AGPAT3: variants seen among roughly 807,000 people sequenced by gnomAD.
The protein encoded by AGPAT3 is 1-acyl-sn-glycerol-3-phosphate acyltransferase gamma.
A neutral mutation model predicts 47.3 loss-of-function variants in AGPAT3; 5 were observed. That is an observed-to-expected ratio of 0.11 (90% CI 0.06 to 0.22). The LOEUF is 0.22. Ranked by LOEUF, AGPAT3 falls within the 10% of genes least tolerant of loss-of-function variation. AGPAT3 has a pLI of 1.00. For missense variants in AGPAT3, 315 were observed against 493.0 expected (o/e 0.64, Z 3.42); for synonymous variants, 212 against 208.3 (o/e 1.02, Z -0.15).
chr21:43,960,698 G>A lies in AGPAT3; in HGVS notation c.178+839G>A, dbSNP rs1381874048. 8.1e-6 allele frequency: 8 copies of A among 984,568 alleles called. No individual in the cohort carries two copies. In the African/African-American group the frequency reaches 1.2e-4, roughly 15 times the overall value. 61.0% of individuals were successfully genotyped at this position (984,568 alleles called of 1,614,324 possible). A position where few individuals can be genotyped will look rare whatever the true frequency, so the allele number is the denominator to read the frequency against. The stretch of plus-strand genomic sequence containing the variant: ...ACTAATTATGCGGCACCCATACAGG[G>A]ACCCTCTGCGGCCATCATGGAGAGC... On this transcript the variant is annotated intron_variant, in intron 3 of 9. Transcript: ENST00000291572.
intron 1 of AGPAT3, among the ~76,000 whole-genome samples, chr21:43,870,822 A>T (rs965238780): frequency 6.6e-6 from 1 of 152,218 alleles, no homozygotes; most frequent in Non-Finnish European, 1.5e-5. Context: ...ACAGATTCTG[A>T]CAGGGTCCAG....
intron 2 of AGPAT3, among the ~76,000 whole-genome samples, chr21:43,928,921 G>A (rs560809709): frequency 1.3e-5 from 2 of 152,310 alleles, no homozygotes; most frequent in African/African-American, 4.8e-5. Flanking sequence ...GGTGGCTCCG[G>A]CAGGTTCCTC....
At chr21:43,919,104 C>T (rs1440579526) in intron 2 of AGPAT3, among the ~76,000 whole-genome samples, 3 of 152,116 alleles carry the variant, frequency 2.0e-5, no homozygotes, top group Non-Finnish European at 2.9e-5. Context: ...CTTGGAGTGT[C>T]GTCCTTAAAT....
At position 43,981,201 on chromosome 21, in the gene AGPAT3, T is replaced by C. The variant is rs374270611; in HGVS notation, c.1042+14T>C. 6 of 1,613,476 alleles carry C rather than the reference T, an allele frequency of 3.7e-6. No homozygotes were observed. In the African/African-American group the frequency reaches 8.0e-5, roughly 22 times the overall value. On this transcript the variant is annotated intron_variant, in intron 9 of 9. Transcript: ENST00000291572. The surrounding 1 kb of genome is among the most constrained non-coding windows in gnomAD (Gnocchi z 5.3). ...TTGTGGGAGCAGGTAATGGACACTG[T>C]CGCTAACAGCTCACACTCTGACGGG... is the stretch of plus-strand genomic sequence containing the variant.
chr21:43,896,077 T>A (rs1019215999), intron 1 of AGPAT3, among the ~76,000 whole-genome samples: 1 of 152,078 alleles, frequency 6.6e-6, no homozygotes, highest in African/African-American at 2.4e-5. Context: ...CTAATTTTGG[T>A]ATTTTTAGTA....
chr21:43,874,101 C>T (rs921444375), intron 1 of AGPAT3, among the ~76,000 whole-genome samples: 1 of 152,228 alleles, frequency 6.6e-6, no homozygotes, highest in African/African-American at 2.4e-5. Context: ...TCTCGGCTCA[C>T]TGCAACCTCC....
chr21:43,982,480 A>G lies in AGPAT3; in HGVS notation c.*88A>G. On this transcript the variant is annotated 3_prime_UTR_variant, in exon 10 of 10. Transcript: ENST00000291572. This position sits in a 1 kb window ranked among gnomAD's most constrained non-coding sequence, Gnocchi z 6.2. ...ACACAGAGTGCAGGAAAAGACAATTAGAAACTATTTTTCTTATTAACTGGT... is the reference window on the plus strand; with the variant it reads ...ACACAGAGTGCAGGAAAAGACAATTGGAAACTATTTTTCTTATTAACTGGT... 1 of 990,416 alleles carries G rather than the reference A, an allele frequency of 1.0e-6. No individual in the cohort carries two copies. 61.4% of individuals were successfully genotyped at this position (990,416 alleles called of 1,614,324 possible). A position where few individuals can be genotyped will look rare whatever the true frequency, so the allele number is the denominator to read the frequency against.
At chr21:43,962,150 G>A (rs556032011) in intron 3 of AGPAT3, among the ~76,000 whole-genome samples, 10 of 151,972 alleles carry the variant, frequency 6.6e-5, no homozygotes, top group Admixed American at 2.6e-4. Context: ...ACAGGCACCC[G>A]CCACCACTCC....
At chr21:43,960,459 C>T (rs559056830) in intron 3 of AGPAT3, among the ~76,000 whole-genome samples, 3 of 152,154 alleles carry the variant, frequency 2.0e-5, no homozygotes, top group African/African-American at 7.2e-5. Context: ...CATGAACAGG[C>T]GCATCTCTGG....
chr21:43,983,627 C>G lies in AGPAT3; in HGVS notation c.*1235C>G, dbSNP rs1569114102. 6.6e-6 allele frequency: 1 copy of G among 152,270 alleles called. No individual in the cohort carries two copies. The highest frequency in any genetic ancestry group is 6.5e-5 in the Admixed American group (1 of 15,288). 9.4% of individuals were successfully genotyped at this position (152,270 alleles called of 1,614,324 possible). A position where few individuals can be genotyped will look rare whatever the true frequency, so the allele number is the denominator to read the frequency against. ...GCTCCCTTGGCCTTGCAGCGAGCCCCTGGCCCACGCCGAGCGAGGGATGCT... is the reference window on the plus strand; with the variant it reads ...GCTCCCTTGGCCTTGCAGCGAGCCCGTGGCCCACGCCGAGCGAGGGATGCT... On this transcript the variant is annotated 3_prime_UTR_variant, in exon 10 of 10. Transcript: ENST00000291572.
rs979604429 is a variant in AGPAT3, at chr21:43,987,315, C to T, written c.*4923C>T. On this transcript the variant is annotated 3_prime_UTR_variant, in exon 10 of 10. Transcript: ENST00000291572. ...TGGCACTTTTCAAGGCCCTCCCTTC[C>T]CTACGAGTTGCTTTCTGGGAGGGGA... is the stretch of plus-strand genomic sequence containing the variant. Among the ~76,000 whole-genome samples the T allele has an allele frequency of 6.6e-6, 1 of 152,170 alleles. No homozygotes were observed. Among genetic ancestry groups the T allele is most frequent in the African/African-American group, 2.4e-5 (1 of 41,444 alleles).
intron 1 of AGPAT3, among the ~76,000 whole-genome samples, chr21:43,888,083 T>C (rs62228696): frequency 0.12 from 17,778 of 152,244 alleles, 2,118 homozygotes; most frequent in African/African-American, 0.31. Context: ...CTCTTTCACC[T>C]GTATTGGAGT....
In AGPAT3 at chr21:43,939,963, C is replaced by T. The variant is rs2146357300; in HGVS notation, c.-48-19671C>T. 6.6e-6 allele frequency among the ~76,000 whole-genome samples: 1 copy of T among 152,346 alleles called. No individual in the cohort carries two copies. The highest frequency in any genetic ancestry group is 2.1e-4 in the South Asian group (1 of 4,828). On this transcript the variant is annotated intron_variant, in intron 2 of 9. Coordinates refer to ENST00000291572, the MANE Select transcript of AGPAT3 (RefSeq NM_020132.5). The surrounding 1 kb of genome is among the most constrained non-coding windows in gnomAD (Gnocchi z 4.4). ...CCGCAGCTGTGCGCAGGAGGACGAA[C>T]CTGTGTGTATGTCCTGCTTCAGCGC... is the stretch of plus-strand genomic sequence containing the variant.
At chr21:43,898,112 C>T (rs984732596) in intron 1 of AGPAT3, among the ~76,000 whole-genome samples, 2 of 151,314 alleles carry the variant, frequency 1.3e-5, no homozygotes, top group Non-Finnish European at 2.9e-5. Context: ...AGAGGGAGAC[C>T]GAAAAAAGAA....
In AGPAT3 at chr21:43,935,983, G is replaced by A. The variant is rs555855006; in HGVS notation, c.-48-23651G>A. ...GGAAGCCAGAGTGTAGAACAGTAGC[G>A]GAGCCCGCCCAGCTGTTCCTAAGCA... On this transcript the variant is annotated intron_variant, in intron 2 of 9. Transcript: ENST00000291572. Among the ~76,000 whole-genome samples, 13 of 152,348 alleles carry A rather than the reference G, an allele frequency of 8.5e-5. No individual in the cohort carries two copies. The East Asian group carries it at 2.1e-3, about 25-fold the overall frequency.
At chr21:43,929,799 C>T (rs1221600740) in intron 2 of AGPAT3, among the ~76,000 whole-genome samples, 5 of 152,214 alleles carry the variant, frequency 3.3e-5, no homozygotes, top group East Asian at 1.9e-4. Flanking sequence ...GGGCCTTGAC[C>T]CTCTCTGTTG....
At chr21:43,873,234 A>G (rs918684399) in intron 1 of AGPAT3, among the ~76,000 whole-genome samples, 8 of 152,168 alleles carry the variant, frequency 5.3e-5, no homozygotes, top group African/African-American at 1.4e-4. Flanking sequence ...AAATAAAATG[A>G]AAAATAACCT....
rs2087193906 is a variant in AGPAT3, at chr21:43,930,215, G to A, written c.-49+26196G>A. Among the ~76,000 whole-genome samples, 1 of 152,190 alleles carries A rather than the reference G, an allele frequency of 6.6e-6. No homozygotes were observed. The highest frequency in any genetic ancestry group is 1.5e-5 in the Non-Finnish European group (1 of 68,022). On this transcript the variant is annotated intron_variant, in intron 2 of 9. Transcript: ENST00000291572. The surrounding 1 kb of genome is among the most constrained non-coding windows in gnomAD (Gnocchi z 5.0). ...CCCCTTCCACGGTTCCCTGCCCCCG[G>A]GGACACAGTTGTGGGAGGTCTCAGG... is the stretch of plus-strand genomic sequence containing the variant.
At chr21:43,979,254 G>A (rs1197750192) in intron 8 of AGPAT3, among the ~76,000 whole-genome samples, 4 of 125,330 alleles carry the variant, frequency 3.2e-5, no homozygotes, top group African/African-American at 6.3e-5. Context: ...AGCCAGGATC[G>A]CCCCATTGCA....
Sources: allele counts gnomAD v4.1 joint callset (sites outside exome capture counted in the v4.1 genomes callset), GRCh38; gene constraint gnomAD v4.1.1; non-coding constraint Gnocchi (gnomAD v3.1); transcripts MANE v1.5; gene names NCBI Gene and HGNC (gene_info 2026-07-23, HGNC 2026-07-21).